The following MTMR1 variants were observed in gnomAD, a reference collection of about 807,000 sequenced individuals.
The protein encoded by MTMR1 is phosphatidylinositol-3-phosphate phosphatase MTMR1.
In MTMR1, 17 loss-of-function variants were observed where a neutral mutation model predicts 51.6. The observed-to-expected ratio is 0.33, with a 90% CI of 0.23 to 0.49. The LOEUF is 0.49. Ranked by LOEUF, MTMR1 falls within the 20% of genes least tolerant of loss-of-function variation. The probability of loss-of-function intolerance (pLI) is 0.99; values close to 1 mark genes in which losing one functional copy is unlikely to be tolerated. For missense variants in MTMR1, 386 were observed against 526.9 expected (o/e 0.73, Z 2.62); for synonymous variants, 201 against 205.6 (o/e 0.98, Z 0.19).
chrX:150,716,435 GT>G, intron 3 of MTMR1, among the ~76,000 whole-genome samples: 1 of 112,755 alleles, frequency 8.9e-6, no homozygotes, highest in Non-Finnish European at 1.9e-5. Flanking sequence ...CAAAACAGAT[GT>G]GAGTATAAAA....
At chrX:150,746,643 T>G (rs1330207488) in intron 13 of MTMR1, among the ~76,000 whole-genome samples, 1 of 112,529 alleles carries the variant, frequency 8.9e-6, no homozygotes, top group African/African-American at 3.2e-5. Context: ...ATGTGGATTT[T>G]TAAACATCTT....
intron 3 of MTMR1, 117 bp downstream of exon 3, chrX:150,712,482 G>T (rs2041347119): frequency 2.9e-6 from 2 of 685,479 alleles, no homozygotes; most frequent in African/African-American, 4.4e-5. Context: ...GAATCACTCA[G>T]ATCAATTTGC....
chrX:150,736,324 TC>T (rs1415191657), intron 10 of MTMR1: 3 of 246,504 alleles, frequency 1.2e-5, no homozygotes, highest in Non-Finnish European at 2.2e-5. Context: ...GGAAGGATCC[TC>T]CCCTAGAGTG....
At chrX:150,734,406 C>T (rs1416519608) in intron 10 of MTMR1, among the ~76,000 whole-genome samples, 2 of 112,821 alleles carry the variant, frequency 1.8e-5, no homozygotes, top group Admixed American at 9.3e-5. Context: ...ATGTCTTTGG[C>T]GGGGCCACTT....
intron 2 of MTMR1, among the ~76,000 whole-genome samples, chrX:150,705,001 GAA>G (rs36053949): frequency 9.6e-6 from 1 of 104,451 alleles, no homozygotes; most frequent in African/African-American, 3.5e-5. Flanking sequence ...AACAAACAAT[GAA>G]AAAAAAAATA....
chrX:150,761,741 G>C (rs1480417390), intron 15 of MTMR1, among the ~76,000 whole-genome samples: 2 of 112,238 alleles, frequency 1.8e-5, no homozygotes, highest in East Asian at 2.8e-4. Context: ...CTTGCCCCCA[G>C]CCAAAGAGCT....
rs1557418443 is a variant in MTMR1 at position 150,765,093 on chromosome X, T to C, written c.*2364T>C. 9.3e-6 allele frequency: 1 copy of C among 107,572 alleles called. No homozygotes were observed. Among genetic ancestry groups the C allele is most frequent in the East Asian group, 2.8e-4 (1 of 3,560 alleles). The allele number at this position is 107,572 out of a possible 1,213,427, so 8.9% of individuals were successfully genotyped here. A position where few individuals can be genotyped will look rare whatever the true frequency, so the allele number is the denominator to read the frequency against. ...ATGTGATTTAATTCATTCAGTAAATTGTAAATGTATCATGAGTCTTAAGTA... is the reference window on the plus strand; with the variant it reads ...ATGTGATTTAATTCATTCAGTAAATCGTAAATGTATCATGAGTCTTAAGTA... On this transcript the variant is annotated 3_prime_UTR_variant, in exon 16 of 16. Transcript: ENST00000445323.
At chrX:150,756,471 C>T (rs945202080) in intron 15 of MTMR1, among the ~76,000 whole-genome samples, 1 of 111,458 alleles carries the variant, frequency 9.0e-6, no homozygotes, top group Non-Finnish European at 1.9e-5. Context: ...GCTCTGGCTG[C>T]GGGTTCCTGA....
chrX:150,758,186 G>T (rs111931656), intron 15 of MTMR1, among the ~76,000 whole-genome samples: 1,789 of 111,182 alleles, frequency 0.016, 46 homozygotes, highest in African/African-American at 0.056. Flanking sequence ...GGTGGCTCTT[G>T]CCCCTCAGCC....
intron 14 of MTMR1, among the ~76,000 whole-genome samples, chrX:150,752,651 GA>G (rs2042785194): frequency 2.3e-5 from 2 of 85,655 alleles, no homozygotes; most frequent in South Asian, 1.3e-3. Flanking sequence ...TTTTTTTTGA[GA>G]GGGGGAGTGC....
At chrX:150,736,920 G>A (rs1424164030) in intron 11 of MTMR1, 140 bp downstream of exon 11, 1 of 650,028 alleles carries the variant, frequency 1.5e-6, no homozygotes, top group East Asian at 3.6e-5. Context: ...GCATCAGACT[G>A]GGGTCTTTGT....
intron 2 of MTMR1, among the ~76,000 whole-genome samples, chrX:150,706,145 G>A (rs2041093204): frequency 9.0e-6 from 1 of 111,436 alleles, no homozygotes; most frequent in Non-Finnish European, 1.9e-5. Context: ...GCAAGATAGA[G>A]CAAACCTGCT....
At position 150,762,888 on chromosome X, in the gene MTMR1, CCCT is replaced by C. The variant is rs2043188034; in HGVS notation, c.*163_*165del. On this transcript the variant is annotated 3_prime_UTR_variant, in exon 16 of 16. Coordinates refer to ENST00000445323, the MANE Select transcript of MTMR1 (RefSeq NM_001306144.3). ...CAGCTCCCACTGTTGGCAACCGTTA[CCCT>C]CCTGTCAGCGGTTTCACAGGGGAGC... The C allele has an allele frequency of 8.4e-6, 5 of 597,785 alleles. No homozygotes were observed. Among genetic ancestry groups the C allele is most frequent in the Non-Finnish European group, 1.2e-5 (5 of 425,027 alleles). 49.3% of individuals were successfully genotyped at this position (597,785 alleles called of 1,213,427 possible). A position where few individuals can be genotyped will look rare whatever the true frequency, so the allele number is the denominator to read the frequency against.
Position 150,737,268 on chromosome X carries a change from T to A in MTMR1, c.1293T>A (p.Ile431=), listed in dbSNP as rs374957914. 3.5e-5 allele frequency: 42 copies of A among 1,209,791 alleles called. No homozygotes were observed. The African/African-American group carries it at 7.2e-4, about 21-fold the overall frequency. Residue 431 remains isoleucine (I), a synonymous_variant, in exon 12 of 16, where the codon ATT becomes ATA. Coordinates refer to ENST00000445323, the MANE Select transcript of MTMR1 (RefSeq NM_001306144.3). ...IRMLLAGAVR[I]ADKIESGKTS... ...TGCTGCTTGCTGGGGCAGTAAGAAT[T>A]GCTGATAAAATAGAATCTGGGAAAA...
chrX:150,727,042 T>G, intron 4 of MTMR1, 173 bp from the exon 5 acceptor site: 1 of 304,320 alleles, frequency 3.3e-6, no homozygotes, highest in South Asian at 1.7e-4. Context: ...AAATTGAAAT[T>G]TATTAGAAGA....
At position 150,736,900 on chromosome X, in the gene MTMR1, T is replaced by C. The variant is rs2042288435; in HGVS notation, c.1266+120T>C. 4.2e-6 allele frequency: 3 copies of C among 711,261 alleles called. No homozygotes were observed. In the South Asian group the frequency reaches 1.0e-4, roughly 24 times the overall value. The allele number at this position is 711,261 out of a possible 1,213,427, so 58.6% of individuals were successfully genotyped here. A position where few individuals can be genotyped will look rare whatever the true frequency, so the allele number is the denominator to read the frequency against. On this transcript the variant is annotated intron_variant, in intron 11 of 15. Coordinates refer to ENST00000445323, the MANE Select transcript of MTMR1 (RefSeq NM_001306144.3). Reference sequence around the variant, plus strand: ...GCATGAACTTTCTTATTCAATAGTTTCCATGGACAGCATCAGACTGGGGTC... The same window carrying C: ...GCATGAACTTTCTTATTCAATAGTTCCCATGGACAGCATCAGACTGGGGTC...
At chrX:150,727,153 G>C (rs1174919625) in intron 4 of MTMR1, 62 bp from the exon 5 acceptor site, 40 of 748,996 alleles carry the variant, frequency 5.3e-5, no homozygotes, top group Non-Finnish European at 7.0e-5. Flanking sequence ...GAAAACTCGT[G>C]TTAAGTTTTA....
chrX:150,718,916 GT>G, intron 4 of MTMR1, among the ~76,000 whole-genome samples: 1 of 110,693 alleles, frequency 9.0e-6, no homozygotes, highest in East Asian at 2.8e-4. Flanking sequence ...ATTTGATGGC[GT>G]TCCCAACAGA....
intron 12 of MTMR1, among the ~76,000 whole-genome samples, chrX:150,741,605 T>G (rs905675125): frequency 3.6e-5 from 4 of 112,316 alleles, no homozygotes; most frequent in African/African-American, 1.3e-4. Context: ...CACAAATGAA[T>G]TATTCATCAA....
Sources: allele counts gnomAD v4.1 joint callset (sites outside exome capture counted in the v4.1 genomes callset), GRCh38; gene constraint gnomAD v4.1.1; transcripts MANE v1.5; gene names NCBI Gene and HGNC (gene_info 2026-07-23, HGNC 2026-07-21).